The following C9orf153 variants were observed in gnomAD, a reference collection of about 807,000 sequenced individuals.
C9orf153 encodes chromosome 9 open reading frame 153.
C9orf153 carries 10 observed loss-of-function variants against 9.0 expected under a neutral mutation model. That is an observed-to-expected ratio of 1.11 (90% CI 0.69 to 1.89). The LOEUF is 1.89. C9orf153 is among the 40% of genes most tolerant of loss of function. The pLI is 0.00. For synonymous variants in C9orf153, 35 were observed against 37.3 expected, an observed-to-expected ratio of 0.94 and a Z score of 0.23; for missense variants, 108 against 111.0, an observed-to-expected ratio of 0.97 and a Z score of 0.12.
At chr9:86,228,145 C>A in intron 2 of C9orf153, 115 bp from the exon 3 acceptor site, 1 of 744,672 alleles carries the variant, frequency 1.3e-6, no homozygotes. Context: ...AAGACAAAAG[C>A]ATTTTTATCT....
intron 1 of C9orf153, among the ~76,000 whole-genome samples, chr9:86,258,859 T>C (rs1825184442): frequency 6.6e-6 from 1 of 151,972 alleles, no homozygotes; most frequent in Non-Finnish European, 1.5e-5. Context: ...TTACTACTTA[T>C]GTTTGTGTGG....
At chr9:86,223,386 T>C (rs1380327176) in intron 3 of C9orf153, among the ~76,000 whole-genome samples, 1 of 152,094 alleles carries the variant, frequency 6.6e-6, no homozygotes, top group Non-Finnish European at 1.5e-5. Context: ...GAGAATCACT[T>C]GAACCTGGGA....
chr9:86,223,792 A>C (rs12686307), intron 3 of C9orf153, among the ~76,000 whole-genome samples: 27,958 of 152,174 alleles, frequency 0.18, 2,649 homozygotes, highest in Middle Eastern at 0.29. Flanking sequence ...TCCGAGGGTG[A>C]AGATGTCTTT....
chr9:86,244,335 T>C (rs964925870), intron 1 of C9orf153, among the ~76,000 whole-genome samples: 2 of 152,204 alleles, frequency 1.3e-5, no homozygotes, highest in East Asian at 1.9e-4. Context: ...CAGTCTCTTA[T>C]AGTGCTGGGA....
intron 1 of C9orf153, among the ~76,000 whole-genome samples, chr9:86,244,943 T>C (rs1824833989): frequency 6.6e-6 from 1 of 152,254 alleles, no homozygotes; most frequent in Non-Finnish European, 1.5e-5. Flanking sequence ...TCTCTTTTTT[T>C]GAGATGGAGT....
In C9orf153 at chr9:86,251,914, T is replaced by TACAC. The variant is rs34620205; in HGVS notation, c.-27+7632_-27+7635dup. Among the ~76,000 whole-genome samples the TACAC allele has an allele frequency of 1.8e-3, 257 of 140,244 alleles. 1 individual carries two copies. The highest frequency in any genetic ancestry group is 3.6e-3 in the Middle Eastern group (1 of 276). 92.0% of individuals were successfully genotyped at this position (140,244 alleles called of 152,430 possible). On this transcript the variant is annotated intron_variant, in intron 1 of 3. Coordinates refer to ENST00000339137, the MANE Select transcript of C9orf153 (RefSeq NM_001276366.4). ...GGTTTTTCTTTAGCTTTAGGTAAACTACACACACACACACACACACACACA... is the reference window on the plus strand; with the variant it reads ...GGTTTTTCTTTAGCTTTAGGTAAACTACACACACACACACACACACACACACACA...
chr9:86,256,440 G>A (rs1181904458), intron 1 of C9orf153, among the ~76,000 whole-genome samples: 1 of 152,218 alleles, frequency 6.6e-6, no homozygotes, highest in Non-Finnish European at 1.5e-5. Flanking sequence ...AGAATGAACT[G>A]TATCCTGCTA....
At chr9:86,229,495 A>T in intron 2 of C9orf153, 43 bp downstream of exon 2, 1 of 1,330,502 alleles carries the variant, frequency 7.5e-7, no homozygotes, top group Non-Finnish European at 1.1e-6. Context: ...CTTGAATGTA[A>T]AGCTCCCTGT....
intron 1 of C9orf153, among the ~76,000 whole-genome samples, chr9:86,240,737 C>G (rs1220182962): frequency 8.1e-6 from 1 of 122,890 alleles, no homozygotes; most frequent in Non-Finnish European, 1.7e-5. Flanking sequence ...GAGATGGAGT[C>G]TCCCTCTGTT....
At chr9:86,248,727 A>C (rs1272018259) in intron 1 of C9orf153, among the ~76,000 whole-genome samples, 1 of 152,014 alleles carries the variant, frequency 6.6e-6, no homozygotes, top group African/African-American at 2.4e-5. Flanking sequence ...TCTCTGTAGA[A>C]AAAAAAACCT....
intron 1 of C9orf153, among the ~76,000 whole-genome samples, chr9:86,255,332 C>G (rs2131210327): frequency 6.6e-6 from 1 of 152,230 alleles, no homozygotes; most frequent in South Asian, 2.1e-4. Flanking sequence ...GGTGTCTGTT[C>G]AGAGAGCCAG....
At chr9:86,234,999 T>C (rs1824550029) in intron 1 of C9orf153, among the ~76,000 whole-genome samples, 1 of 152,088 alleles carries the variant, frequency 6.6e-6, no homozygotes, top group African/African-American at 2.4e-5. Context: ...TGACCTAAAA[T>C]TGGAGAAACA....
At chr9:86,225,747 A>G (rs1824317060) in intron 3 of C9orf153, among the ~76,000 whole-genome samples, 1 of 152,222 alleles carries the variant, frequency 6.6e-6, no homozygotes, top group South Asian at 2.1e-4. Flanking sequence ...GGCCTGCCAA[A>G]GTGCTGGGAT....
intron 1 of C9orf153, among the ~76,000 whole-genome samples, chr9:86,251,864 G>C (rs1038859687): frequency 1.4e-5 from 2 of 142,540 alleles, no homozygotes; most frequent in African/African-American, 5.3e-5. Flanking sequence ...AGATTTCCAG[G>C]TAGCATTAAC....
At chr9:86,227,687 G>T (rs1460803022) in intron 3 of C9orf153, 168 bp downstream of exon 3, 1 of 985,260 alleles carries the variant, frequency 1.0e-6, no homozygotes, top group East Asian at 1.1e-4. Flanking sequence ...CGAGTGATCG[G>T]TGAGAATTTC....
chr9:86,252,469 T>C lies in C9orf153; in HGVS notation c.-27+7081A>G, dbSNP rs182122615. 2.0e-4 allele frequency among the ~76,000 whole-genome samples: 31 copies of C among 152,364 alleles called. No homozygotes were observed. In the East Asian group the frequency reaches 6.0e-3, roughly 29 times the overall value. On this transcript the variant is annotated intron_variant, in intron 1 of 3. Transcript: ENST00000339137. ...ATTTTACAGTGACCTGTTATCCTATTCTGATCAAGTGTTTTAAACCTTTGA... is the reference window on the plus strand; with the variant it reads ...ATTTTACAGTGACCTGTTATCCTATCCTGATCAAGTGTTTTAAACCTTTGA...
chr9:86,254,698 C>A (rs1825073249), intron 1 of C9orf153, among the ~76,000 whole-genome samples: 1 of 152,166 alleles, frequency 6.6e-6, no homozygotes. Flanking sequence ...AGAGGCCTAG[C>A]CCATCTGCAA....
intron 1 of C9orf153, among the ~76,000 whole-genome samples, chr9:86,251,411 C>G (rs1048090269): frequency 6.6e-6 from 1 of 152,054 alleles, no homozygotes; most frequent in Non-Finnish European, 1.5e-5. Flanking sequence ...AAATTGCTTA[C>G]TTTCTAGGTT....
At chr9:86,227,492 C>G (rs1824362790) in intron 3 of C9orf153, 1 of 1,379,292 alleles carries the variant, frequency 7.3e-7, no homozygotes, top group Non-Finnish European at 9.4e-7. Flanking sequence ...AGTAAATTTG[C>G]AATGAGATTT....
Sources: allele counts gnomAD v4.1 joint callset (sites outside exome capture counted in the v4.1 genomes callset), GRCh38; gene constraint gnomAD v4.1.1; transcripts MANE v1.5; gene names NCBI Gene and HGNC (gene_info 2026-07-23, HGNC 2026-07-21).